PCDH15: variants seen among roughly 807,000 people sequenced by gnomAD.
PCDH15 encodes the protein protocadherin-15.
PCDH15 carries 129 observed loss-of-function variants against 178.5 expected under a neutral mutation model. The ratio of observed to expected loss-of-function variants is 0.72; its 90% CI spans 0.63 to 0.84. The LOEUF (loss-of-function observed/expected upper bound fraction) is 0.84, where lower values mean the gene tolerates loss of function less well. Among genes scored for constraint, PCDH15 ranks in the 40% least tolerant of loss-of-function variants. PCDH15 has a pLI of 0.00. For synonymous variants in PCDH15, 800 were observed against 732.0 expected (o/e 1.09, Z -1.50); for missense variants, 2,230 against 2,099.9 (o/e 1.06, Z -1.21).
At chr10:54,360,707 T>A (rs189442657) in intron 5 of PCDH15, among the ~76,000 whole-genome samples, 1 of 152,226 alleles carries the variant, frequency 6.6e-6, no homozygotes, top group Non-Finnish European at 1.5e-5. Context: ...ATCATCATCA[T>A]CCTATCATTC....
chr10:55,060,485 T>C (rs879913124), intron 2 of PCDH15, among the ~76,000 whole-genome samples: 1 of 151,986 alleles, frequency 6.6e-6, no homozygotes, highest in Admixed American at 6.6e-5. Context: ...ATATTCAAAG[T>C]CAAATGAGCT....
chr10:54,750,604 C>T (rs1336170009), intron 1 of PCDH15, among the ~76,000 whole-genome samples: 1 of 152,028 alleles, frequency 6.6e-6, no homozygotes, highest in Non-Finnish European at 1.5e-5. Flanking sequence ...GCAATTCAAA[C>T]ATTTTATTAT....
chr10:55,195,908 T>A (rs1253820322), intron 1 of PCDH15, among the ~76,000 whole-genome samples: 4 of 152,096 alleles, frequency 2.6e-5, no homozygotes. Flanking sequence ...AAATATGTAG[T>A]GCAAGTGCTG....
chr10:54,622,636 T>A lies in PCDH15; in HGVS notation c.91+41536A>T, dbSNP rs1210715758. Among the ~76,000 whole-genome samples the A allele has an allele frequency of 4.4e-4, 18 of 41,160 alleles. 1 individual carries two copies. Among genetic ancestry groups the A allele is most frequent in the African/African-American group, 1.7e-3 (16 of 9,454 alleles). 27.0% of individuals were successfully genotyped at this position (41,160 alleles called of 152,430 possible). ...TATATATAATATATATAATATATAT[T>A]ATATAATTATATATATACTATATAA... On this transcript the variant is annotated intron_variant, in intron 2 of 37. Coordinates refer to ENST00000644397, the MANE Select transcript of PCDH15 (RefSeq NM_001384140.1).
chr10:54,607,919 T>C, intron 2 of PCDH15: 1 of 520,198 alleles, frequency 1.9e-6, no homozygotes, highest in South Asian at 1.4e-5. Flanking sequence ...TCTTTGAAAG[T>C]AATGTCAAAA....
intron 2 of PCDH15, among the ~76,000 whole-genome samples, chr10:55,562,044 C>T (rs1416188495): frequency 1.3e-5 from 2 of 151,940 alleles, no homozygotes; most frequent in Non-Finnish European, 2.9e-5. Context: ...TAACCACAGA[C>T]ATCCTTTGAT....
At chr10:55,592,715 G>A (rs2132133567) in intron 2 of PCDH15, among the ~76,000 whole-genome samples, 1 of 152,134 alleles carries the variant, frequency 6.6e-6, no homozygotes, top group South Asian at 2.1e-4. Flanking sequence ...ATTAGTTTAG[G>A]TGCTGACTTG....
chr10:53,988,664 T>A (rs1015305808), intron 21 of PCDH15, among the ~76,000 whole-genome samples: 5 of 151,894 alleles, frequency 3.3e-5, no homozygotes, highest in African/African-American at 1.2e-4. Context: ...TGTTTCCATT[T>A]CCCCTGGCAA....
chr10:53,948,515 G>A (rs973483932), intron 23 of PCDH15, among the ~76,000 whole-genome samples: 1 of 152,156 alleles, frequency 6.6e-6, no homozygotes, highest in Non-Finnish European at 1.5e-5. Context: ...TGTGTGAAAA[G>A]TTTACCAGAG....
intron 1 of PCDH15, among the ~76,000 whole-genome samples, chr10:55,233,469 T>A (rs1370329775): frequency 1.3e-5 from 2 of 152,160 alleles, no homozygotes; most frequent in Non-Finnish European, 2.9e-5. Flanking sequence ...AGTAAATGCA[T>A]GAGAGTTTAG....
At chr10:54,784,821 T>C (rs1950693862) in intron 1 of PCDH15, among the ~76,000 whole-genome samples, 1 of 152,166 alleles carries the variant, frequency 6.6e-6, no homozygotes. Context: ...TATATCTTTA[T>C]ACATGCTGGT....
intron 3 of PCDH15, among the ~76,000 whole-genome samples, chr10:54,490,373 C>A (rs1201615575): frequency 6.6e-6 from 1 of 151,934 alleles, no homozygotes; most frequent in Non-Finnish European, 1.5e-5. Context: ...TGGCATGAAC[C>A]CGGGAGGCAG....
intron 2 of PCDH15, among the ~76,000 whole-genome samples, chr10:54,549,452 ATGTAT>A (rs1374220570): frequency 1.3e-5 from 2 of 151,870 alleles, no homozygotes; most frequent in Admixed American, 1.3e-4. Context: ...ATAAATACAA[ATGTAT>A]TTATTTTACA....
chr10:54,509,633 T>G (rs926843247), intron 3 of PCDH15, among the ~76,000 whole-genome samples: 1 of 152,142 alleles, frequency 6.6e-6, no homozygotes, highest in African/African-American at 2.4e-5. Flanking sequence ...TGTATGCCAC[T>G]GCTGAATGCA....
chr10:53,864,791 A>G (rs2079335314), intron 27 of PCDH15, among the ~76,000 whole-genome samples: 1 of 151,940 alleles, frequency 6.6e-6, no homozygotes. Context: ...CTCAAAAATA[A>G]TAATAATAAA....
intron 2 of PCDH15, among the ~76,000 whole-genome samples, chr10:55,116,421 A>T (rs906708262): frequency 6.6e-6 from 1 of 152,064 alleles, no homozygotes; most frequent in Non-Finnish European, 1.5e-5. Context: ...GGTAAGCAAA[A>T]TTTTTCTCTT....
At chr10:54,686,041 A>ATTTTTTTTTTTT (rs66539612) in intron 1 of PCDH15, among the ~76,000 whole-genome samples, 10 of 126,874 alleles carry the variant, frequency 7.9e-5, no homozygotes, top group South Asian at 2.6e-4. Context: ...AAGACAGCCA[A>ATTTTTTTTTTTT]TTTTTTTTTT....
At chr10:54,210,471 C>T (rs1304925798) in intron 10 of PCDH15, among the ~76,000 whole-genome samples, 1 of 151,962 alleles carries the variant, frequency 6.6e-6, no homozygotes, top group African/African-American at 2.4e-5. Context: ...AGAAAATAAA[C>T]AGGTACATTC....
chr10:54,328,956 A>T (rs1284018699), intron 7 of PCDH15, among the ~76,000 whole-genome samples: 2 of 152,044 alleles, frequency 1.3e-5, no homozygotes, highest in African/African-American at 4.8e-5. Flanking sequence ...TGTCTATGTT[A>T]TATAAGCATG....
Sources: allele counts gnomAD v4.1 joint callset (sites outside exome capture counted in the v4.1 genomes callset), GRCh38; gene constraint gnomAD v4.1.1; transcripts MANE v1.5; gene names NCBI Gene and HGNC (gene_info 2026-07-23, HGNC 2026-07-21).